TBC1D22A: variants seen among roughly 807,000 people sequenced by gnomAD.
TBC1D22A encodes TBC1 domain family member 22A.
TBC1D22A carries 38 observed loss-of-function variants against 60.2 expected under a neutral mutation model. The observed-to-expected ratio is 0.63, with a 90% CI of 0.49 to 0.83. TBC1D22A has a LOEUF of 0.83. TBC1D22A is among the 40% of genes least tolerant of loss of function. TBC1D22A has a pLI of 0.00. For synonymous variants in TBC1D22A, 302 were observed against 281.7 expected, an observed-to-expected ratio of 1.07 and a Z score of -0.72; for missense variants, 628 against 701.0, an observed-to-expected ratio of 0.90 and a Z score of 1.18.
At chr22:46,954,676 G>A (rs1011793536) in intron 8 of TBC1D22A, among the ~76,000 whole-genome samples, 2 of 105,824 alleles carry the variant, frequency 1.9e-5, no homozygotes, top group African/African-American at 8.5e-5. Context: ...GAGTACCAGC[G>A]TGTGTTCAGC....
At chr22:47,093,970 A>G (rs1353674813) in intron 11 of TBC1D22A, among the ~76,000 whole-genome samples, 1 of 152,208 alleles carries the variant, frequency 6.6e-6, no homozygotes, top group Non-Finnish European at 1.5e-5. Context: ...TCAGTCTTAA[A>G]TGCATCTCCC....
chr22:46,906,008 A>C (rs1023610400), intron 7 of TBC1D22A, among the ~76,000 whole-genome samples: 1 of 151,938 alleles, frequency 6.6e-6, no homozygotes, highest in Non-Finnish European at 1.5e-5. Flanking sequence ...GGGTGGTGGG[A>C]GGTCCTGGCA....
chr22:47,026,684 A>G (rs917931870), intron 10 of TBC1D22A, among the ~76,000 whole-genome samples: 1 of 152,244 alleles, frequency 6.6e-6, no homozygotes, highest in African/African-American at 2.4e-5. Context: ...ATATTTAGGG[A>G]AAACACTATG....
intron 10 of TBC1D22A, among the ~76,000 whole-genome samples, chr22:47,013,329 T>C (rs6009101): frequency 0.038 from 5,793 of 152,252 alleles, 338 homozygotes; most frequent in African/African-American, 0.13. Context: ...CTCCTTGTGA[T>C]GATATCTTTG....
At chr22:47,098,807 T>C (rs1042889263) in intron 11 of TBC1D22A, among the ~76,000 whole-genome samples, 8 of 152,018 alleles carry the variant, frequency 5.3e-5, no homozygotes, top group Non-Finnish European at 4.4e-5. Flanking sequence ...CACCAGGGAG[T>C]CATGCAGCCA....
chr22:46,956,382 G>A (rs942867380), intron 8 of TBC1D22A, among the ~76,000 whole-genome samples: 1 of 152,170 alleles, frequency 6.6e-6, no homozygotes, highest in Non-Finnish European at 1.5e-5. Flanking sequence ...TCAGGAGATC[G>A]AGACCGTCCT....
intron 6 of TBC1D22A, among the ~76,000 whole-genome samples, chr22:46,893,319 T>C (rs2068500338): frequency 6.6e-6 from 1 of 152,182 alleles, no homozygotes; most frequent in African/African-American, 2.4e-5. Flanking sequence ...TTTTCTGATT[T>C]GCCCAGTTCT....
intron 8 of TBC1D22A, among the ~76,000 whole-genome samples, chr22:46,946,191 G>A (rs1022513713): frequency 1.1e-4 from 17 of 152,198 alleles, no homozygotes; most frequent in African/African-American, 4.1e-4. Flanking sequence ...CTTGTGCACC[G>A]TAGGAGCTGC....
intron 7 of TBC1D22A, among the ~76,000 whole-genome samples, chr22:46,904,358 G>A (rs925791880): frequency 6.6e-6 from 1 of 151,930 alleles, no homozygotes; most frequent in African/African-American, 2.4e-5. Context: ...AGCTCATTGT[G>A]GTGAAAATCA....
chr22:46,988,662 A>T (rs1184658387), intron 9 of TBC1D22A, among the ~76,000 whole-genome samples: 1 of 152,234 alleles, frequency 6.6e-6, no homozygotes, highest in Non-Finnish European at 1.5e-5. Context: ...ATACTTGGTA[A>T]ACCCTGCTGT....
intron 12 of TBC1D22A, among the ~76,000 whole-genome samples, chr22:47,126,295 T>C (rs995403783): frequency 2.0e-5 from 3 of 152,202 alleles, no homozygotes; most frequent in Non-Finnish European, 4.4e-5. Flanking sequence ...TGAAGATGTT[T>C]TTTAAGAAAG....
intron 9 of TBC1D22A, among the ~76,000 whole-genome samples, chr22:46,975,221 A>G (rs950975075): frequency 1.3e-5 from 2 of 152,076 alleles, no homozygotes; most frequent in Non-Finnish European, 2.9e-5. Flanking sequence ...ACCCGGGCAT[A>G]GTGGCGAGTA....
chr22:47,031,624 T>C (rs2148376473), intron 10 of TBC1D22A, among the ~76,000 whole-genome samples: 1 of 151,932 alleles, frequency 6.6e-6, no homozygotes, highest in African/African-American at 2.4e-5. Context: ...TCTGGTGGTG[T>C]GGGGTCGTTT....
intron 12 of TBC1D22A, among the ~76,000 whole-genome samples, chr22:47,133,438 A>T (rs1439319115): frequency 6.6e-6 from 1 of 152,202 alleles, no homozygotes; most frequent in African/African-American, 2.4e-5. Context: ...CGGGAGGCTG[A>T]TTCCAAGGAT....
chr22:47,136,308 G>A (rs2066870782), intron 12 of TBC1D22A, among the ~76,000 whole-genome samples: 1 of 152,196 alleles, frequency 6.6e-6, no homozygotes, highest in Non-Finnish European at 1.5e-5. Context: ...TTGGCTACTT[G>A]GCGTTGGCCC....
At chr22:47,054,758 TCGGGCTGATG>T (rs1283451142) in intron 11 of TBC1D22A, among the ~76,000 whole-genome samples, 8 of 152,032 alleles carry the variant, frequency 5.3e-5, no homozygotes, top group African/African-American at 1.9e-4. Flanking sequence ...CCTGGGCAGG[TCGGGCTGATG>T]ATTGTGTACA....
rs201372908 is a variant in TBC1D22A, at chr22:47,173,375, CG to C, written c.1426-122del. The C allele has an allele frequency of 3.1e-3, 4,095 of 1,326,894 alleles. 109 individuals carry two copies. The African/African-American group carries it at 0.053, about 17-fold the overall frequency. 82.2% of individuals were successfully genotyped at this position (1,326,894 alleles called of 1,614,324 possible). ...TTCTCTCCAGTTTTCCTGGATCACC[CG>C]CCCTGCACCGTGGGTCACCTCCTCT... On this transcript the variant is annotated intron_variant, in intron 12 of 12. Coordinates refer to ENST00000337137, the MANE Select transcript of TBC1D22A (RefSeq NM_014346.5).
At chr22:46,944,748 T>G (rs773074971) in intron 8 of TBC1D22A, among the ~76,000 whole-genome samples, 60 of 152,346 alleles carry the variant, frequency 3.9e-4, no homozygotes, top group Non-Finnish European at 7.2e-4. Context: ...CTCTTTGATC[T>G]ATTATAACTT....
intron 11 of TBC1D22A, among the ~76,000 whole-genome samples, chr22:47,056,154 AGT>A (rs1017204437): frequency 6.5e-4 from 99 of 151,976 alleles, no homozygotes; most frequent in African/African-American, 2.2e-3. Context: ...TCTCAGGAAG[AGT>A]GTGTGTGGGT....
Sources: gnomAD v4.1 joint callset for allele counts (sites outside exome capture counted in the v4.1 genomes callset) on GRCh38, gnomAD v4.1.1 for gene constraint, MANE v1.5 for transcripts, NCBI Gene and HGNC (gene_info 2026-07-23, HGNC 2026-07-21) for gene names.